Variants in DDAH1 observed in about 807,000 individuals in gnomAD.
The protein encoded by DDAH1 is N(G),N(G)-dimethylarginine dimethylaminohydrolase 1.
Under a neutral mutation model 28.8 loss-of-function variants are expected in DDAH1, and 19 were observed. The observed-to-expected ratio is 0.66, with a 90% CI of 0.46 to 0.97. The LOEUF (loss-of-function observed/expected upper bound fraction) is 0.97, where lower values mean the gene tolerates loss of function less well. Among genes scored for constraint, DDAH1 ranks in the 50% least tolerant of loss-of-function variants. The pLI is 0.00. For missense variants in DDAH1, 326 were observed against 375.9 expected, an observed-to-expected ratio of 0.87 and a Z score of 1.10; for synonymous variants, 153 against 154.4, an observed-to-expected ratio of 0.99 and a Z score of 0.07.
chr1:85,352,880 CT>C lies in DDAH1; in HGVS notation c.404-1302del, dbSNP rs71582954. On this transcript the variant is annotated intron_variant, in intron 2 of 5. Transcript: ENST00000284031. ...GTTAAGTGAGAATTTATTATACTAC[CT>C]TTTTTTTTTTCACTAAAAGAACAGT... Among the ~76,000 whole-genome samples, 1,005 of 147,394 alleles carry C rather than the reference CT, an allele frequency of 6.8e-3. 5 individuals carry two copies. The highest frequency in any genetic ancestry group is 0.011 in the South Asian group (53 of 4,680).
chr1:85,553,480 G>A (rs1658860931), intron 1 of DDAH1, among the ~76,000 whole-genome samples: 1 of 152,242 alleles, frequency 6.6e-6, no homozygotes, highest in African/African-American at 2.4e-5. Flanking sequence ...GTGAGAAACA[G>A]GGAGTGACCT....
intron 1 of DDAH1, among the ~76,000 whole-genome samples, chr1:85,572,033 G>C (rs1052694724): frequency 6.6e-6 from 1 of 152,140 alleles, no homozygotes; most frequent in South Asian, 2.1e-4. Context: ...ATAACCACAG[G>C]CTGTGGGAGG....
intron 1 of DDAH1, among the ~76,000 whole-genome samples, chr1:85,440,464 T>C (rs1570547007): frequency 1.3e-5 from 2 of 152,290 alleles, no homozygotes; most frequent in East Asian, 3.9e-4. Flanking sequence ...CAGAGGTGAG[T>C]AGCCGGGAAA....
intron 4 of DDAH1, among the ~76,000 whole-genome samples, chr1:85,340,986 G>A (rs181624372): frequency 2.2e-4 from 34 of 152,074 alleles, no homozygotes; most frequent in South Asian, 1.2e-3. Context: ...TATGCCTGAC[G>A]TTCATTCAGG....
chr1:85,418,631 T>A (rs967549858), intron 1 of DDAH1, among the ~76,000 whole-genome samples: 6 of 152,200 alleles, frequency 3.9e-5, no homozygotes, highest in African/African-American at 1.4e-4. Context: ...AACAAAAGTT[T>A]TTATCTTTCA....
chr1:85,374,594 A>G (rs2100894190), intron 1 of DDAH1, among the ~76,000 whole-genome samples: 1 of 152,288 alleles, frequency 6.6e-6, no homozygotes, highest in East Asian at 1.9e-4. Context: ...TAAGTCAAAT[A>G]GAACCATTAA....
At chr1:85,353,398 A>C (rs1290017204) in intron 2 of DDAH1, among the ~76,000 whole-genome samples, 1 of 152,156 alleles carries the variant, frequency 6.6e-6, no homozygotes, top group South Asian at 2.1e-4. Context: ...TATAAATATT[A>C]TAACTTTAAT....
intron 1 of DDAH1, among the ~76,000 whole-genome samples, chr1:85,561,445 T>C (rs1037259201): frequency 7.2e-5 from 11 of 152,064 alleles, no homozygotes; most frequent in African/African-American, 2.4e-4. Flanking sequence ...ACCAACCTAA[T>C]AGAAGAGCTA....
intron 1 of DDAH1, among the ~76,000 whole-genome samples, chr1:85,364,906 G>C (rs1399683259): frequency 1.3e-5 from 2 of 152,140 alleles, no homozygotes; most frequent in Admixed American, 6.5e-5. Context: ...CAGACATTTT[G>C]TGTACTCAAT....
intron 1 of DDAH1, among the ~76,000 whole-genome samples, chr1:85,423,194 T>G (rs889622609): frequency 8.5e-5 from 13 of 152,210 alleles, no homozygotes; most frequent in African/African-American, 3.1e-4. Flanking sequence ...AATCTGGAGA[T>G]CAGGTAGTGT....
intron 2 of DDAH1, chr1:85,493,411 A>G (rs1483270767): frequency 6.6e-6 from 1 of 152,200 alleles, no homozygotes; most frequent in East Asian, 1.9e-4. Flanking sequence ...TAAAATCACC[A>G]CAACATACTA....
chr1:85,465,756 C>T (rs576585396), upstream of DDAH1, among the ~76,000 whole-genome samples: 82 of 152,190 alleles, frequency 5.4e-4, no homozygotes, highest in Non-Finnish European at 9.9e-4. Context: ...TGCCTAACAC[C>T]ATCCTCTACC....
chr1:85,401,396 A>G (rs1652094791), intron 1 of DDAH1, among the ~76,000 whole-genome samples: 1 of 152,186 alleles, frequency 6.6e-6, no homozygotes, highest in Non-Finnish European at 1.5e-5. Context: ...CATAAAGAAG[A>G]GCATGGTTTA....
At chr1:85,484,892 A>T (rs1010658769) in intron 2 of DDAH1, among the ~76,000 whole-genome samples, 1 of 152,204 alleles carries the variant, frequency 6.6e-6, no homozygotes. Context: ...GCAGGTGAGC[A>T]ATTTAAGGGA....
chr1:85,546,218 C>T (rs1035733632), intron 1 of DDAH1, among the ~76,000 whole-genome samples: 2 of 151,592 alleles, frequency 1.3e-5, no homozygotes, highest in Admixed American at 1.3e-4. Context: ...TAGGCCATGG[C>T]AACTCTGCCC....
At chr1:85,504,961 CTTTTTTTTTTTTTTTTTTTTTTTTTTTT>C (rs61209793) in intron 1 of DDAH1, among the ~76,000 whole-genome samples, 13 of 60,836 alleles carry the variant, frequency 2.1e-4, no homozygotes, top group South Asian at 8.6e-4. Flanking sequence ...CTCAATGATT[CTTTTTTTTTTTTTTTTTTTTTTTTTTTT>C]TTTTTTTTTT....
intron 1 of DDAH1, among the ~76,000 whole-genome samples, chr1:85,434,922 T>C (rs914730207): frequency 6.6e-6 from 1 of 151,908 alleles, no homozygotes; most frequent in Non-Finnish European, 1.5e-5. Context: ...TATATAAATT[T>C]AGAAAAAATA....
At chr1:85,337,679 C>T (rs915240426) in intron 4 of DDAH1, among the ~76,000 whole-genome samples, 15 of 152,296 alleles carry the variant, frequency 9.8e-5, no homozygotes, top group African/African-American at 3.6e-4. Flanking sequence ...GTCTCAAACT[C>T]CTGACCTCGT....
chr1:85,442,013 T>C (rs1654220350), intron 1 of DDAH1, among the ~76,000 whole-genome samples: 1 of 152,086 alleles, frequency 6.6e-6, no homozygotes. Flanking sequence ...CCCAGAAAGA[T>C]GGTGACCAAA....
Sources: gnomAD v4.1 joint callset for allele counts (sites outside exome capture counted in the v4.1 genomes callset) on GRCh38, gnomAD v4.1.1 for gene constraint, MANE v1.5 for transcripts, NCBI Gene and HGNC (gene_info 2026-07-23, HGNC 2026-07-21) for gene names.